Variants in CCDC150 observed in about 807,000 individuals in gnomAD.
CCDC150 encodes coiled-coil domain containing 150, also known as coiled-coil domain-containing protein 150.
CCDC150 carries 151 observed loss-of-function variants against 156.5 expected under a neutral mutation model. The observed-to-expected ratio is 0.97, with a 90% confidence interval of 0.85 to 1.10. The LOEUF is 1.10. Among genes scored for constraint, CCDC150 ranks in the 50% least tolerant of loss-of-function variants. CCDC150 has a pLI of 0.00. For synonymous variants in CCDC150, 452 were observed against 429.4 expected (o/e 1.05, Z -0.65); for missense variants, 1,312 against 1,268.1 (o/e 1.03, Z -0.53).
At chr2:196,674,556 T>C (rs1230055094) in intron 10 of CCDC150, among the ~76,000 whole-genome samples, 1 of 150,548 alleles carries the variant, frequency 6.6e-6, no homozygotes, top group African/African-American at 2.5e-5. Flanking sequence ...TTCTCAAATA[T>C]CATCACTTGA....
At chr2:196,714,051 A>C (rs1312685625) in intron 17 of CCDC150, among the ~76,000 whole-genome samples, 1 of 152,190 alleles carries the variant, frequency 6.6e-6, no homozygotes, top group East Asian at 1.9e-4. Context: ...TTCTTGAGAA[A>C]ACTTATTAGA....
intron 2 of CCDC150, among the ~76,000 whole-genome samples, chr2:196,656,028 A>G (rs1328253970): frequency 6.6e-6 from 1 of 152,176 alleles, no homozygotes; most frequent in Non-Finnish European, 1.5e-5. Flanking sequence ...CCTTCCAGGC[A>G]GAAACTGGGA....
At position 196,676,557 on chromosome 2, in the gene CCDC150, T is replaced by A; in HGVS notation, c.1266T>A (p.Asp422Glu). The A allele has an allele frequency of 6.2e-7, 1 of 1,610,848 alleles. No homozygotes were observed. The highest frequency in any genetic ancestry group is 8.5e-7 in the Non-Finnish European group (1 of 1,178,498). ...TGTTCTTGATCTCTTCCTGCAGGGA[T>A]CATTTAATCCTTGAGCATAACCAGT... ...NEKTQLQAHL[D>E]HLILEHNQCI... Residue 422 changes from aspartate to glutamate, a missense_variant, in exon 12 of 28, where the codon GAT (aspartate) becomes GAA (glutamate). Asp to Glu is a conservative substitution (Grantham distance 45). Coordinates refer to ENST00000389175, the MANE Select transcript of CCDC150 (RefSeq NM_001080539.2).
chr2:196,694,986 A>G (rs1477303545), intron 13 of CCDC150, 60 bp from the exon 14 acceptor site: 7 of 852,610 alleles, frequency 8.2e-6, no homozygotes, highest in East Asian at 5.0e-5. Context: ...TTTTAAAAAT[A>G]AGATAATACT....
In CCDC150 at chr2:196,656,862, A is replaced by G; in HGVS notation, c.397+9A>G. 6.2e-7 allele frequency: 1 copy of G among 1,613,156 alleles called. No homozygotes were observed. Among genetic ancestry groups the G allele is most frequent in the South Asian group, 1.1e-5 (1 of 91,054 alleles). On this transcript the variant is annotated intron_variant, in intron 3 of 27. Transcript: ENST00000389175. ...GAATCCTCAGAAAACAGGTATAGAG[A>G]TAAGAATCATCAGAAATGTGGTCCT...
chr2:196,684,223 C>T (rs1480312364), intron 13 of CCDC150, among the ~76,000 whole-genome samples: 1 of 152,096 alleles, frequency 6.6e-6, no homozygotes, highest in Non-Finnish European at 1.5e-5. Flanking sequence ...GCTTTAGCTG[C>T]ATATGAGATG....
chr2:196,729,694 G>T, intron 23 of CCDC150, 99 bp from the exon 24 acceptor site: 1 of 818,940 alleles, frequency 1.2e-6, no homozygotes, highest in Non-Finnish European at 1.9e-6. Flanking sequence ...TGGTAACTTT[G>T]GGTCTCATAT....
chr2:196,676,969 C>A, intron 12 of CCDC150: 1 of 644,024 alleles, frequency 1.6e-6, no homozygotes, highest in Non-Finnish European at 2.9e-6. Context: ...ATTCACACAT[C>A]CTGGTGTTAG....
intron 5 of CCDC150, among the ~76,000 whole-genome samples, chr2:196,661,053 C>G (rs1472786042): frequency 6.6e-6 from 1 of 152,176 alleles, no homozygotes; most frequent in African/African-American, 2.4e-5. Context: ...GTTGAAAAGA[C>G]AATCCTTTCT....
Position 196,718,486 on chromosome 2 carries a change from T to C in CCDC150, c.1867-17T>C. 2 of 1,581,392 alleles carry C rather than the reference T, an allele frequency of 1.3e-6. No individual in the cohort carries two copies. Among genetic ancestry groups the C allele is most frequent in the Non-Finnish European group, 1.7e-6 (2 of 1,161,284 alleles). Reference sequence around the variant, plus strand: ...CTGATTTGTAATGTTATTTATTGTTTCTTTTTTCCTACTTAGGTGAAATCT... The same window carrying C: ...CTGATTTGTAATGTTATTTATTGTTCCTTTTTTCCTACTTAGGTGAAATCT... On this transcript the variant is annotated splice_polypyrimidine_tract_variant and intron_variant, in intron 17 of 27. Transcript: ENST00000389175.
chr2:196,729,693 T>G, intron 23 of CCDC150, 100 bp from the exon 24 acceptor site: 3 of 818,396 alleles, frequency 3.7e-6, no homozygotes, highest in Non-Finnish European at 5.8e-6. Flanking sequence ...CTGGTAACTT[T>G]GGGTCTCATA....
intron 13 of CCDC150, among the ~76,000 whole-genome samples, chr2:196,691,211 G>A (rs895123645): frequency 6.6e-6 from 1 of 152,136 alleles, no homozygotes; most frequent in African/African-American, 2.4e-5. Context: ...TCAGGATGCT[G>A]CTGGCCTCAT....
At chr2:196,678,855 C>T (rs1472894259) in intron 13 of CCDC150, among the ~76,000 whole-genome samples, 3 of 152,142 alleles carry the variant, frequency 2.0e-5, no homozygotes, top group Non-Finnish European at 4.4e-5. Context: ...GCCAAGATTG[C>T]ACCACTGCAT....
chr2:196,675,279 A>G (rs752733032), intron 10 of CCDC150, among the ~76,000 whole-genome samples: 3 of 152,120 alleles, frequency 2.0e-5, no homozygotes, highest in Non-Finnish European at 2.9e-5. Flanking sequence ...GTATAATGCT[A>G]TATCTAGATA....
rs775509388 is a variant in CCDC150 at position 196,658,793 on chromosome 2, AG to A, written c.579del (p.Asn194MetfsTer9). On this transcript the variant is annotated frameshift_variant and splice_region_variant, in exon 5 of 28. Coordinates refer to ENST00000389175, the MANE Select transcript of CCDC150 (RefSeq NM_001080539.2). LOFTEE classifies it high-confidence loss of function. The stretch of plus-strand genomic sequence containing the variant: ...AATCTTTTCTCCTTCTACTTTTAGA[AG>A]AATGCAGCCATTATTGAAGAGGAAC... ...ATLKIASQTK[K>X]NAAIIEEELK... 1 of 1,598,236 alleles carries A rather than the reference AG, an allele frequency of 6.3e-7. No individual in the cohort carries two copies. Among genetic ancestry groups the A allele is most frequent in the Admixed American group, 1.7e-5 (1 of 58,602 alleles).
chr2:196,702,367 G>GTGTA (rs1313072303), intron 15 of CCDC150, among the ~76,000 whole-genome samples: 1 of 151,712 alleles, frequency 6.6e-6, no homozygotes, highest in African/African-American at 2.4e-5. Context: ...GTGTGTGTGT[G>GTGTA]TGTGTGTGTG....
intron 13 of CCDC150, among the ~76,000 whole-genome samples, chr2:196,691,598 CTT>C (rs1695476199): frequency 1.7e-5 from 1 of 59,222 alleles, no homozygotes; most frequent in African/African-American, 5.6e-5. Context: ...AAACTACTCT[CTT>C]TTCTTATTTA....
chr2:196,642,825 T>C (rs925438996), intron 1 of CCDC150, among the ~76,000 whole-genome samples: 15 of 152,140 alleles, frequency 9.9e-5, no homozygotes, highest in Non-Finnish European at 2.1e-4. Context: ...CTGCAGCCTC[T>C]ACCTCCTGGG....
intron 15 of CCDC150, among the ~76,000 whole-genome samples, chr2:196,703,718 T>G (rs1239832898): frequency 6.6e-6 from 1 of 152,172 alleles, no homozygotes; most frequent in Non-Finnish European, 1.5e-5. Flanking sequence ...CATGACAGAC[T>G]TAAAGCCAAA....
Sources: allele counts gnomAD v4.1 joint callset (sites outside exome capture counted in the v4.1 genomes callset), GRCh38; gene constraint gnomAD v4.1.1; transcripts MANE v1.5; gene names NCBI Gene and HGNC (gene_info 2026-07-23, HGNC 2026-07-21).